FAM167A: variants seen among roughly 807,000 people sequenced by gnomAD.
The protein encoded by FAM167A is family with sequence similarity 167 member A.
FAM167A carries 23 observed loss-of-function variants against 14.9 expected under a neutral mutation model. The ratio of observed to expected loss-of-function variants is 1.55; its 90% CI spans 1.11 to 2.19. The LOEUF is 2.19. FAM167A is among the 30% of genes most tolerant of loss of function. The pLI is 0.00. For missense variants in FAM167A, 401 were observed against 281.5 expected, an observed-to-expected ratio of 1.42 and a Z score of -3.04; for synonymous variants, 174 against 117.7, an observed-to-expected ratio of 1.48 and a Z score of -3.10.
At chr8:11,444,889 G>T (rs1806689027) in intron 1 of FAM167A, 81 bp from the exon 2 acceptor site, 1 of 967,212 alleles carries the variant, frequency 1.0e-6, no homozygotes, top group Non-Finnish European at 1.2e-6. Flanking sequence ...CACAGGAGGG[G>T]AAACTGAGGC....
intron 2 of FAM167A, chr8:11,434,919 T>G: frequency 2.4e-6 from 1 of 410,684 alleles, no homozygotes; most frequent in East Asian, 7.2e-5. Context: ...ATGTGACTGC[T>G]GCTGGCTGGG....
chr8:11,451,709 C>A (rs1250169806), intron 1 of FAM167A, among the ~76,000 whole-genome samples: 2 of 152,156 alleles, frequency 1.3e-5, no homozygotes, highest in Non-Finnish European at 2.9e-5. Context: ...GAATTGGGTG[C>A]GTGTGAGTCT....
chr8:11,436,010 A>C (rs992248538), intron 2 of FAM167A, among the ~76,000 whole-genome samples: 1 of 152,094 alleles, frequency 6.6e-6, no homozygotes, highest in Admixed American at 6.5e-5. Context: ...TCCCTGCCAG[A>C]GCCTTTTTTG....
At chr8:11,456,308 T>A (rs1807294634) in intron 1 of FAM167A, among the ~76,000 whole-genome samples, 1 of 145,714 alleles carries the variant, frequency 6.9e-6, no homozygotes, top group African/African-American at 2.6e-5. Flanking sequence ...GTGAGGTGGT[T>A]GCCCTGCTGG....
intron 1 of FAM167A, among the ~76,000 whole-genome samples, chr8:11,465,625 C>T (rs917183675): frequency 6.6e-6 from 1 of 152,234 alleles, no homozygotes; most frequent in Admixed American, 6.5e-5. Context: ...AGGCAACAGG[C>T]GCCACAGCAC....
At chr8:11,427,236 C>G (rs905713480) in intron 2 of FAM167A, among the ~76,000 whole-genome samples, 1 of 152,132 alleles carries the variant, frequency 6.6e-6, no homozygotes, top group Non-Finnish European at 1.5e-5. Context: ...CCTGAGGTAC[C>G]AGCAGGACAG....
At chr8:11,445,359 G>A (rs1056599978) in intron 1 of FAM167A, 9 of 986,110 alleles carry the variant, frequency 9.1e-6, no homozygotes, top group East Asian at 1.1e-4. Context: ...TCCAGCAGCC[G>A]TTTCTACATC....
At chr8:11,460,489 G>A (rs1210384114) in intron 1 of FAM167A, among the ~76,000 whole-genome samples, 1 of 152,216 alleles carries the variant, frequency 6.6e-6, no homozygotes, top group African/African-American at 2.4e-5. Flanking sequence ...GGGAGTAGAG[G>A]CGCCGACTCG....
At chr8:11,454,355 C>T (rs1585271040) in intron 1 of FAM167A, among the ~76,000 whole-genome samples, 1 of 152,368 alleles carries the variant, frequency 6.6e-6, no homozygotes, top group African/African-American at 2.4e-5. Context: ...TCTCCTGATT[C>T]CTCCGTCAAC....
intron 2 of FAM167A, among the ~76,000 whole-genome samples, chr8:11,436,637 T>G (rs1806038565): frequency 6.6e-6 from 1 of 152,214 alleles, no homozygotes; most frequent in Non-Finnish European, 1.5e-5. Flanking sequence ...GAATTGGGGC[T>G]TGCATTACAT....
intron 2 of FAM167A, among the ~76,000 whole-genome samples, chr8:11,441,905 C>T (rs1449435496): frequency 6.6e-6 from 1 of 152,092 alleles, no homozygotes; most frequent in Admixed American, 6.5e-5. Context: ...AGCAGGGGTA[C>T]CAGGAAGGTC....
intron 1 of FAM167A, among the ~76,000 whole-genome samples, chr8:11,450,401 G>A (rs1217641498): frequency 6.6e-6 from 1 of 152,278 alleles, no homozygotes; most frequent in Non-Finnish European, 1.5e-5. Flanking sequence ...ATGAATCTGG[G>A]GTATCATCAT....
rs576646200 is a variant in FAM167A, at chr8:11,457,960, T to G, written c.-398+8666A>C. 1.2e-3 allele frequency among the ~76,000 whole-genome samples: 184 copies of G among 152,342 alleles called. 3 individuals carry two copies. Among genetic ancestry groups the G allele is most frequent in the African/African-American group, 4.3e-3 (180 of 41,572 alleles). ...GGGCAGGACACTGCTGCACCTTTTG[T>G]GTCCCGAGCACAGGGCCCTGTAAAC... On this transcript the variant is annotated intron_variant, in intron 1 of 2. Transcript: ENST00000284486.
At chr8:11,429,372 A>T (rs1027174194) in intron 2 of FAM167A, among the ~76,000 whole-genome samples, 2 of 152,208 alleles carry the variant, frequency 1.3e-5, no homozygotes, top group Non-Finnish European at 2.9e-5. Flanking sequence ...GTTGCCCGGG[A>T]AGGCACAGAG....
intron 2 of FAM167A, among the ~76,000 whole-genome samples, 156 bp from the exon 3 acceptor site, chr8:11,424,792 CAGAA>C (rs761836545): frequency 1.3e-5 from 2 of 151,956 alleles, no homozygotes; most frequent in Non-Finnish European, 2.9e-5. Context: ...TGAAAAGACA[CAGAA>C]AGCAAGGTGA....
intron 1 of FAM167A, chr8:11,445,589 A>C (rs1476188171): frequency 2.0e-6 from 2 of 985,410 alleles, no homozygotes; most frequent in East Asian, 1.1e-4. Flanking sequence ...TAAAGACTTC[A>C]GCTATGGGAT....
chr8:11,426,631 C>T (rs1805181089), intron 2 of FAM167A, among the ~76,000 whole-genome samples: 2 of 151,962 alleles, frequency 1.3e-5, no homozygotes, highest in South Asian at 4.2e-4. Context: ...ATTTTGAGGG[C>T]CTTAATATTT....
upstream of FAM167A, chr8:11,466,904 G>A (rs1230707797): frequency 6.6e-6 from 1 of 152,324 alleles, no homozygotes; most frequent in East Asian, 1.9e-4. Flanking sequence ...CCGGGTCCTA[G>A]CGCCCTGTCG....
intron 2 of FAM167A, 94 bp from the exon 3 acceptor site, chr8:11,424,730 GTTCA>G: frequency 6.7e-7 from 1 of 1,488,942 alleles, no homozygotes. Context: ...TAATGTCTTA[GTTCA>G]TTAAGTGGTC....
Sources: gnomAD v4.1 joint callset for allele counts (sites outside exome capture counted in the v4.1 genomes callset) on GRCh38, gnomAD v4.1.1 for gene constraint, MANE v1.5 for transcripts, NCBI Gene and HGNC (gene_info 2026-07-23, HGNC 2026-07-21) for gene names.